Variants in KCNIP4 observed in about 807,000 individuals in gnomAD.
KCNIP4 encodes the protein potassium voltage-gated channel interacting protein 4, also known as Kv channel-interacting protein 4.
A neutral mutation model predicts 34.0 loss-of-function variants in KCNIP4; 12 were observed. The ratio of observed to expected loss-of-function variants is 0.35; its 90% CI spans 0.23 to 0.57. The LOEUF (loss-of-function observed/expected upper bound fraction) is 0.57, where lower values mean the gene tolerates loss of function less well. Among genes scored for constraint, KCNIP4 ranks in the 20% least tolerant of loss-of-function variants. The pLI, the probability that KCNIP4 is intolerant of heterozygous loss-of-function variation, is 0.83. For missense variants in KCNIP4, 238 were observed against 311.7 expected (o/e 0.76, Z 1.78); for synonymous variants, 124 against 102.2 (o/e 1.21, Z -1.29).
At position 21,656,920 on chromosome 4, in the gene KCNIP4, C is replaced by T. The variant is rs1824371; in HGVS notation, c.61+291651G>A. The T allele has an allele frequency of 6.5e-3, 991 of 151,972 alleles. 14 individuals are homozygous for T. Among genetic ancestry groups the T allele is most frequent in the Non-Finnish European group, 7.2e-3 (489 of 67,998 alleles). 9.4% of individuals were successfully genotyped at this position (151,972 alleles called of 1,614,324 possible). A position where few individuals can be genotyped will look rare whatever the true frequency, so the allele number is the denominator to read the frequency against. ...ACCATAACAGTCTCTTACATCTGAG[C>T]CTTTGCACACGATGTTCCCCACACT... On this transcript the variant is annotated intron_variant, in intron 1 of 8. Transcript: ENST00000382152.
chr4:20,956,376 G>T (rs575605220), intron 1 of KCNIP4, among the ~76,000 whole-genome samples: 8 of 152,106 alleles, frequency 5.3e-5, no homozygotes, highest in African/African-American at 7.2e-5. Context: ...GTGGTGGCGG[G>T]TGCCCGTGGT....
chr4:21,031,983 A>G (rs149286382), intron 1 of KCNIP4, among the ~76,000 whole-genome samples: 12 of 152,312 alleles, frequency 7.9e-5, no homozygotes, highest in South Asian at 2.1e-4. Flanking sequence ...CTGTGTCCCA[A>G]TGAAATTATT....
chr4:21,838,921 T>C (rs1430840829), intron 1 of KCNIP4, among the ~76,000 whole-genome samples: 1 of 152,240 alleles, frequency 6.6e-6, no homozygotes, highest in Non-Finnish European at 1.5e-5. Context: ...ATATTTACTG[T>C]TGCATATGAT....
chr4:21,597,052 C>T (rs1742704889), intron 1 of KCNIP4, among the ~76,000 whole-genome samples: 1 of 151,968 alleles, frequency 6.6e-6, no homozygotes, highest in South Asian at 2.1e-4. Flanking sequence ...GTCGTCCCAC[C>T]TACAATACCT....
rs914731893 is a variant in KCNIP4, at chr4:21,817,449, C to T, written c.61+131122G>A. Reference sequence around the variant, plus strand: ...GAAATCAGTGCACCTTGAAAAAGAACAGAATAACAACGATTTTTAGGGAAC... The same window carrying T: ...GAAATCAGTGCACCTTGAAAAAGAATAGAATAACAACGATTTTTAGGGAAC... On this transcript the variant is annotated intron_variant, in intron 1 of 8. Transcript: ENST00000382152. Among the ~76,000 whole-genome samples the T allele has an allele frequency of 4.6e-5, 7 of 151,964 alleles. 1 individual carries two copies. Among genetic ancestry groups the T allele is most frequent in the Admixed American group, 2.0e-4 (3 of 15,258 alleles).
At chr4:21,453,518 C>T (rs944362332) in intron 1 of KCNIP4, among the ~76,000 whole-genome samples, 1 of 152,038 alleles carries the variant, frequency 6.6e-6, no homozygotes, top group African/African-American at 2.4e-5. Context: ...CACCCTCACT[C>T]TTTCCAGGAT....
intron 1 of KCNIP4, among the ~76,000 whole-genome samples, chr4:21,605,759 C>T (rs1184408495): frequency 3.3e-5 from 5 of 152,080 alleles, no homozygotes; most frequent in Non-Finnish European, 2.9e-5. Flanking sequence ...GGATTACAGG[C>T]GTGATCCACT....
At chr4:20,978,065 A>G (rs79787505) in intron 1 of KCNIP4, among the ~76,000 whole-genome samples, 84 of 152,326 alleles carry the variant, frequency 5.5e-4, no homozygotes, top group African/African-American at 1.8e-3. Context: ...TTCCAGTTAC[A>G]GAATTGAAAG....
intron 1 of KCNIP4, among the ~76,000 whole-genome samples, chr4:21,072,999 G>A (rs1380811345): frequency 1.3e-5 from 2 of 152,112 alleles, no homozygotes; most frequent in African/African-American, 4.8e-5. Context: ...TGTTCCATTG[G>A]TCTATATCTC....
chr4:20,884,334 T>G (rs1725044067), intron 1 of KCNIP4, among the ~76,000 whole-genome samples: 2 of 152,142 alleles, frequency 1.3e-5, no homozygotes, highest in African/African-American at 4.8e-5. Flanking sequence ...GGTTTTAAGC[T>G]CCGCATGTAT....
intron 1 of KCNIP4, among the ~76,000 whole-genome samples, chr4:21,792,579 A>G (rs1474259571): frequency 1.3e-5 from 2 of 152,240 alleles, no homozygotes; most frequent in African/African-American, 4.8e-5. Context: ...GAGAATAAGC[A>G]TAACAGAAGC....
intron 1 of KCNIP4, among the ~76,000 whole-genome samples, chr4:21,382,176 A>G (rs1231603017): frequency 6.6e-6 from 1 of 152,224 alleles, no homozygotes; most frequent in African/African-American, 2.4e-5. Context: ...AGAACAGGAC[A>G]GAGAAAACTC....
At chr4:21,522,974 T>A (rs1735668354) in intron 1 of KCNIP4, among the ~76,000 whole-genome samples, 1 of 151,350 alleles carries the variant, frequency 6.6e-6, no homozygotes, top group African/African-American at 2.4e-5. Flanking sequence ...GGAGATGGGG[T>A]CTTTAGGAGG....
At chr4:20,936,253 AG>A (rs1255351677) in intron 1 of KCNIP4, among the ~76,000 whole-genome samples, 1 of 152,196 alleles carries the variant, frequency 6.6e-6, no homozygotes, top group African/African-American at 2.4e-5. Flanking sequence ...AGCCTATAAC[AG>A]GATTAAAGAA....
chr4:20,784,892 G>T (rs1380841867), intron 3 of KCNIP4, among the ~76,000 whole-genome samples: 1 of 152,160 alleles, frequency 6.6e-6, no homozygotes, highest in Non-Finnish European at 1.5e-5. Context: ...GACTGCGAAA[G>T]ATTTGCAGGG....
At chr4:21,433,045 T>C (rs1412442957) in intron 1 of KCNIP4, among the ~76,000 whole-genome samples, 1 of 152,138 alleles carries the variant, frequency 6.6e-6, no homozygotes, top group African/African-American at 2.4e-5. Context: ...AGGTTAACCT[T>C]GTGTAGTAGA....
intron 1 of KCNIP4, among the ~76,000 whole-genome samples, chr4:21,200,159 G>T (rs1176859594): frequency 2.0e-5 from 3 of 151,678 alleles, no homozygotes; most frequent in Non-Finnish European, 2.9e-5. Flanking sequence ...CCTGCACATT[G>T]TGCACATGTA....
chr4:21,005,251 T>G (rs547149364), intron 1 of KCNIP4, among the ~76,000 whole-genome samples: 2 of 152,302 alleles, frequency 1.3e-5, no homozygotes, highest in Admixed American at 1.3e-4. Flanking sequence ...GACATCCACC[T>G]GGTCACATGG....
chr4:21,194,740 G>A (rs1297160726), intron 1 of KCNIP4, among the ~76,000 whole-genome samples: 10 of 152,154 alleles, frequency 6.6e-5, no homozygotes, highest in African/African-American at 2.2e-4. Flanking sequence ...TGGCATTGGA[G>A]CTCATGCATT....
Sources: gnomAD v4.1 joint callset for allele counts (sites outside exome capture counted in the v4.1 genomes callset) on GRCh38, gnomAD v4.1.1 for gene constraint, MANE v1.5 for transcripts, NCBI Gene and HGNC (gene_info 2026-07-23, HGNC 2026-07-21) for gene names.